GPR155: variants seen among roughly 807,000 people sequenced by gnomAD.
GPR155 encodes G protein-coupled receptor 155, also known as lysosomal cholesterol signaling protein.
Under a neutral mutation model 93.1 loss-of-function variants are expected in GPR155, and 65 were observed. The observed-to-expected ratio is 0.70, with a 90% CI of 0.57 to 0.86. The LOEUF (loss-of-function observed/expected upper bound fraction) is 0.86, where lower values mean the gene tolerates loss of function less well. GPR155 is among the 40% of genes least tolerant of loss of function. The pLI is 0.00. For synonymous variants in GPR155, 319 were observed against 360.1 expected (o/e 0.89, Z 1.29); for missense variants, 838 against 1,034.8 (o/e 0.81, Z 2.61).
At position 174,445,033 on chromosome 2, in the gene GPR155, C is replaced by T. The variant is rs192731714; in HGVS notation, c.2109+48G>A. ...CTTCCCCCGACCCCCTACCAATCAACCTATCCAGGAAGACAAAAACCCCTC... is the reference window on the plus strand; with the variant it reads ...CTTCCCCCGACCCCCTACCAATCAATCTATCCAGGAAGACAAAAACCCCTC... On this transcript the variant is annotated intron_variant, in intron 13 of 15. Transcript: ENST00000392552. The T allele has an allele frequency of 4.6e-4, 409 of 896,518 alleles. 4 individuals are homozygous for T. In the Middle Eastern group the frequency reaches 6.1e-3, roughly 13 times the overall value. 55.5% of individuals were successfully genotyped at this position (896,518 alleles called of 1,614,324 possible).
chr2:174,475,874 C>T (rs1688153830), intron 2 of GPR155, among the ~76,000 whole-genome samples: 1 of 152,180 alleles, frequency 6.6e-6, no homozygotes, highest in Non-Finnish European at 1.5e-5. Context: ...TAACCAGCCA[C>T]AACAATAAGA....
In GPR155 at chr2:174,473,244, T is replaced by A; in HGVS notation, c.581A>T (p.Lys194Ile). 6.2e-7 allele frequency: 1 copy of A among 1,613,904 alleles called. No individual in the cohort carries two copies. The highest frequency in any genetic ancestry group is 8.5e-7 in the Non-Finnish European group (1 of 1,179,824). ...GFIFCEIQKW[K>I]DTQNASQNKI... is the part of the protein sequence containing the mutation. ...ATTTTGAGAAGCATTTTGAGTGTCT[T>A]TCCACTTTTGGATTTCACAGAAAAT... Residue 194 changes from lysine to isoleucine, a missense_variant, in exon 3 of 16, where the codon AAA becomes ATA. Physicochemically the swap from Lys to Ile is moderately radical, Grantham distance 102. Around this residue, in one of 3 missense-constraint regions of GPR155, gnomAD observed 663 missense variants for 790.1 expected, o/e 0.84. Transcript: ENST00000392552.
intron 1 of GPR155, among the ~76,000 whole-genome samples, chr2:174,485,154 A>C (rs1301358602): frequency 6.6e-6 from 1 of 152,208 alleles, no homozygotes; most frequent in Non-Finnish European, 1.5e-5. Flanking sequence ...CCAAACAATT[A>C]AGATAAGTTG....
intron 13 of GPR155, among the ~76,000 whole-genome samples, chr2:174,444,032 A>G (rs1263307402): frequency 1.3e-5 from 2 of 152,218 alleles, no homozygotes; most frequent in East Asian, 1.9e-4. Flanking sequence ...CCTAGCCAAA[A>G]TTTATTTATA....
intron 1 of GPR155, 76 bp downstream of exon 1, chr2:174,486,797 G>C (rs1688497207): frequency 6.5e-6 from 1 of 153,064 alleles, no homozygotes; most frequent in Non-Finnish European, 1.5e-5. Flanking sequence ...GGCCTGAGGG[G>C]CAGAGGCAGG....
chr2:174,446,094 G>T (rs1249446750), intron 12 of GPR155, among the ~76,000 whole-genome samples: 1 of 151,810 alleles, frequency 6.6e-6, no homozygotes, highest in East Asian at 1.9e-4. Context: ...ATCACCTGAG[G>T]TCAGGGGTTC....
chr2:174,465,281 C>T (rs568343058), intron 7 of GPR155, among the ~76,000 whole-genome samples: 5 of 152,160 alleles, frequency 3.3e-5, no homozygotes, highest in African/African-American at 1.2e-4. Context: ...TACCATGTAC[C>T]AGACATAAAT....
rs145367367 is a variant in GPR155, at chr2:174,474,114, T to C, written c.461-750A>G. Among the ~76,000 whole-genome samples the C allele has an allele frequency of 1.5e-3, 221 of 152,088 alleles. 3 individuals carry two copies. The highest frequency in any genetic ancestry group is 5.2e-3 in the East Asian group (27 of 5,180). ...GTAGTTCACAAGACAATGACAAAAC[T>C]TGGGATAAAGGTAAATGAGAGGGAA... is the stretch of plus-strand genomic sequence containing the variant. On this transcript the variant is annotated intron_variant, in intron 2 of 15. Coordinates refer to ENST00000392552, the MANE Select transcript of GPR155 (RefSeq NM_152529.7).
intron 6 of GPR155, among the ~76,000 whole-genome samples, chr2:174,466,306 A>G (rs566369458): frequency 1.3e-5 from 2 of 152,336 alleles, no homozygotes; most frequent in South Asian, 4.1e-4. Flanking sequence ...AATTGTTTCT[A>G]TTAAAAAATG....
intron 7 of GPR155, among the ~76,000 whole-genome samples, chr2:174,464,290 A>G (rs1228770132): frequency 6.6e-6 from 1 of 152,146 alleles, no homozygotes; most frequent in African/African-American, 2.4e-5. Context: ...TGCATATTTG[A>G]AAAAAACTAA....
chr2:174,446,284 G>A (rs1273797437), intron 12 of GPR155, among the ~76,000 whole-genome samples: 2 of 132,654 alleles, frequency 1.5e-5, no homozygotes, highest in Admixed American at 1.8e-4. Context: ...TCCAGCCTGG[G>A]CAACAGAGTT....
intron 2 of GPR155, among the ~76,000 whole-genome samples, chr2:174,474,859 C>A (rs1688099479): frequency 6.6e-6 from 1 of 151,948 alleles, no homozygotes; most frequent in South Asian, 2.1e-4. Flanking sequence ...TGGTCTCTAG[C>A]ACATTTTTGA....
At chr2:174,439,105 C>T (rs899577235) in intron 15 of GPR155, among the ~76,000 whole-genome samples, 12 of 152,222 alleles carry the variant, frequency 7.9e-5, no homozygotes, top group African/African-American at 1.9e-4. Flanking sequence ...TTCCACTCTC[C>T]GTACCAGGCT....
Position 174,460,127 on chromosome 2 carries a change from A to G in GPR155, c.1561-39T>C, listed in dbSNP as rs186708522. The stretch of plus-strand genomic sequence containing the variant: ...AAAAAGATATCAGGCCACTTTTCAC[A>G]ACTTCATCTTGATAATCTTAGGGCA... On this transcript the variant is annotated intron_variant, in intron 9 of 15. Coordinates refer to ENST00000392552, the MANE Select transcript of GPR155 (RefSeq NM_152529.7). The G allele has an allele frequency of 3.6e-3, 5,130 of 1,406,746 alleles. 30 individuals are homozygous for G. Among genetic ancestry groups the G allele is most frequent in the Admixed American group, 0.022 (1,113 of 51,184 alleles). 87.1% of individuals were successfully genotyped at this position (1,406,746 alleles called of 1,614,324 possible).
intron 10 of GPR155, among the ~76,000 whole-genome samples, chr2:174,455,170 C>T (rs1401967230): frequency 6.7e-6 from 1 of 150,276 alleles, no homozygotes; most frequent in Non-Finnish European, 1.5e-5. Flanking sequence ...GAGCGAGACT[C>T]CATCTCAAAA....
In GPR155 at chr2:174,436,266, C is replaced by T. The variant is rs773136341; in HGVS notation, c.2463G>A (p.Glu821=). The change falls in exon 16 of 16, where the codon GAG becomes GAA. Residue 821 remains glutamate (E), a synonymous_variant. Coordinates refer to ENST00000392552, the MANE Select transcript of GPR155 (RefSeq NM_152529.7). ...QGGVIQHITN[E]YEFRDEYLFY... is the part of the protein sequence containing the mutation. The stretch of plus-strand genomic sequence containing the variant: ...ACAAGTACTCATCCCGGAATTCATA[C>T]TCGTTGGTAATATGTTGGATGACTC... The T allele has an allele frequency of 1.7e-5, 28 of 1,613,976 alleles. No individual in the cohort carries two copies. Among genetic ancestry groups the T allele is most frequent in the Non-Finnish European group, 1.9e-5 (23 of 1,179,962 alleles).
intron 13 of GPR155, among the ~76,000 whole-genome samples, chr2:174,442,515 T>C (rs1574695901): frequency 6.6e-6 from 1 of 152,222 alleles, no homozygotes; most frequent in Non-Finnish European, 1.5e-5. Context: ...TGTGCGTAAG[T>C]ATTTATTATT....
At chr2:174,483,509 C>T (rs1199398990) in intron 1 of GPR155, among the ~76,000 whole-genome samples, 1 of 152,162 alleles carries the variant, frequency 6.6e-6, no homozygotes, top group Non-Finnish European at 1.5e-5. Context: ...ACACAATGAA[C>T]ATGAGGTCTG....
At chr2:174,485,571 T>C (rs1428336382) in intron 1 of GPR155, among the ~76,000 whole-genome samples, 2 of 143,494 alleles carry the variant, frequency 1.4e-5, no homozygotes, top group East Asian at 2.0e-4. Flanking sequence ...CCCTCCAGCC[T>C]GAGCAACAGA....
Sources: allele counts gnomAD v4.1 joint callset (sites outside exome capture counted in the v4.1 genomes callset), GRCh38; gene constraint gnomAD v4.1.1; regional missense constraint gnomAD v4.1.1; transcripts MANE v1.5; gene names NCBI Gene and HGNC (gene_info 2026-07-23, HGNC 2026-07-21).